Variants in PTP4A1 observed in about 807,000 individuals in gnomAD.
The protein encoded by PTP4A1 is protein tyrosine phosphatase 4A1.
Under a neutral mutation model 20.5 loss-of-function variants are expected in PTP4A1, and 9 were observed. The observed-to-expected ratio is 0.44, with a 90% CI of 0.26 to 0.77. The LOEUF (loss-of-function observed/expected upper bound fraction) is 0.77. Among genes scored for constraint, PTP4A1 ranks in the 30% least tolerant of loss-of-function variants. The probability of loss-of-function intolerance (pLI) is 0.19; values close to 1 mark genes in which losing one functional copy is unlikely to be tolerated. For synonymous variants in PTP4A1, 78 were observed against 67.4 expected, an observed-to-expected ratio of 1.16 and a Z score of -0.77; for missense variants, 137 against 218.8, an observed-to-expected ratio of 0.63 and a Z score of 2.36.
intron 3 of PTP4A1, among the ~76,000 whole-genome samples, chr6:63,566,582 T>G (rs1352465753): frequency 6.6e-6 from 1 of 152,308 alleles, no homozygotes; most frequent in South Asian, 2.1e-4. Context: ...TTAAAAATAC[T>G]TTTGCTAAAA....
intron 2 of PTP4A1, chr6:63,549,254 C>A: frequency 1.3e-6 from 1 of 747,924 alleles, no homozygotes; most frequent in Non-Finnish European, 2.4e-6. Flanking sequence ...GGTCCAGGGC[C>A]TGGGTGAACT....
upstream of PTP4A1, among the ~76,000 whole-genome samples, chr6:63,568,224 A>G (rs973457785): frequency 3.3e-5 from 5 of 152,214 alleles, no homozygotes; most frequent in African/African-American, 7.2e-5. Context: ...TTTTCGGCCT[A>G]TCTCTGCTTT....
At position 63,582,731 on chromosome 6, in the gene PTP4A1, A is replaced by G. The variant is rs1778316401; in HGVS notation, c.*2557A>G. ...GGTTACTGAATCATAAGAAAATGCC[A>G]TCTCTTTTTAGTTGAAGGAAAACTC... On this transcript the variant is annotated 3_prime_UTR_variant, in exon 6 of 6. Transcript: ENST00000626021. The G allele has an allele frequency of 6.6e-6, 1 of 152,174 alleles. No individual in the cohort carries two copies. Among genetic ancestry groups the G allele is most frequent in the African/African-American group, 2.4e-5 (1 of 41,432 alleles). 9.4% of individuals were successfully genotyped at this position (152,174 alleles called of 1,614,324 possible). A position where few individuals can be genotyped will look rare whatever the true frequency, so the allele number is the denominator to read the frequency against.
At chr6:63,563,286 G>A (rs965376207) in intron 3 of PTP4A1, among the ~76,000 whole-genome samples, 2 of 152,138 alleles carry the variant, frequency 1.3e-5, no homozygotes, top group Admixed American at 6.6e-5. Context: ...AAGGTCCTAC[G>A]TGATCCAGTC....
chr6:63,576,177 T>C (rs752058599), intron 1 of PTP4A1, among the ~76,000 whole-genome samples: 10 of 151,138 alleles, frequency 6.6e-5, no homozygotes, highest in Non-Finnish European at 1.2e-4. Flanking sequence ...AATGTAACAA[T>C]GGGTTTGGTT....
chr6:63,563,856 A>C (rs1239368914), intron 3 of PTP4A1, among the ~76,000 whole-genome samples: 2 of 152,248 alleles, frequency 1.3e-5, no homozygotes, highest in East Asian at 3.8e-4. Flanking sequence ...AAGAAAACTT[A>C]GAAAAACTGG....
intron 2 of PTP4A1, among the ~76,000 whole-genome samples, chr6:63,531,831 C>CTT (rs142176912): frequency 4.2e-5 from 6 of 144,280 alleles, no homozygotes; most frequent in Non-Finnish European, 9.2e-5. Flanking sequence ...GCCACATACA[C>CTT]TTTTTTTTTT....
chr6:63,565,628 C>A (rs1181016081), intron 3 of PTP4A1, among the ~76,000 whole-genome samples: 2 of 152,104 alleles, frequency 1.3e-5, no homozygotes, highest in Non-Finnish European at 2.9e-5. Context: ...ATGTCTGACT[C>A]AACAAAACAC....
intron 2 of PTP4A1, among the ~76,000 whole-genome samples, chr6:63,529,766 G>T (rs184566326): frequency 6.6e-6 from 1 of 152,096 alleles, no homozygotes; most frequent in African/African-American, 2.4e-5. Context: ...ATGAGGTTCC[G>T]TTTTTCTGAG....
chr6:63,551,924 T>G (rs181843297), intron 3 of PTP4A1, among the ~76,000 whole-genome samples: 4,409 of 151,834 alleles, frequency 0.029, 110 homozygotes, highest in African/African-American at 0.069. Context: ...TGCCACATTT[T>G]CTTAATCCAG....
At chr6:63,531,026 T>A (rs566467596) in intron 2 of PTP4A1, among the ~76,000 whole-genome samples, 40 of 152,292 alleles carry the variant, frequency 2.6e-4, no homozygotes, top group Middle Eastern at 3.4e-3. Context: ...AAGAATGAGC[T>A]TTGCTTGTGA....
At chr6:63,577,615 G>A (rs779882456) in intron 2 of PTP4A1, among the ~76,000 whole-genome samples, 10 of 152,086 alleles carry the variant, frequency 6.6e-5, no homozygotes, top group Non-Finnish European at 1.5e-4. Flanking sequence ...GGAGTGCAGT[G>A]GCATGATCTC....
chr6:63,549,543 G>A (rs960214243), intron 2 of PTP4A1: 21 of 621,936 alleles, frequency 3.4e-5, no homozygotes, highest in Middle Eastern at 4.2e-4. Context: ...TTTTAAAGGT[G>A]ATAAATGTTG....
intron 2 of PTP4A1, among the ~76,000 whole-genome samples, chr6:63,546,711 A>C (rs1206495875): frequency 6.6e-6 from 1 of 152,210 alleles, no homozygotes; most frequent in Non-Finnish European, 1.5e-5. Context: ...CATCTCAAAA[A>C]AAAAAAATAG....
chr6:63,540,872 G>A (rs1031472557), intron 2 of PTP4A1, among the ~76,000 whole-genome samples: 3 of 151,032 alleles, frequency 2.0e-5, no homozygotes, highest in African/African-American at 4.9e-5. Context: ...TCTTGGTGGC[G>A]GTCACCTATA....
At chr6:63,522,695 A>G (rs1420436678) in intron 1 of PTP4A1, among the ~76,000 whole-genome samples, 2 of 152,096 alleles carry the variant, frequency 1.3e-5, no homozygotes, top group African/African-American at 4.8e-5. Flanking sequence ...GGGGATTCCT[A>G]TTGCTCATAT....
At chr6:63,527,078 A>G (rs892691938) in intron 1 of PTP4A1, among the ~76,000 whole-genome samples, 2 of 151,890 alleles carry the variant, frequency 1.3e-5, no homozygotes, top group South Asian at 4.1e-4. Context: ...AGTTTCTTTT[A>G]TCTGAGAGTC....
intron 2 of PTP4A1, among the ~76,000 whole-genome samples, chr6:63,543,721 G>A (rs968872943): frequency 6.6e-6 from 1 of 152,040 alleles, no homozygotes. Context: ...GAAAGACCTG[G>A]GGCAAATCAT....
At chr6:63,547,179 AG>A (rs1204627768) in intron 2 of PTP4A1, among the ~76,000 whole-genome samples, 3 of 149,478 alleles carry the variant, frequency 2.0e-5, no homozygotes, top group South Asian at 2.1e-4. Flanking sequence ...ACAGGCTAGT[AG>A]GGGGGAATTT....
Sources: allele counts gnomAD v4.1 joint callset (sites outside exome capture counted in the v4.1 genomes callset), GRCh38; gene constraint gnomAD v4.1.1; transcripts MANE v1.5; gene names NCBI Gene and HGNC (gene_info 2026-07-23, HGNC 2026-07-21).